Variants in ST6GAL2 observed in about 807,000 individuals in gnomAD.
The protein encoded by ST6GAL2 is ST6 beta-galactoside alpha-2,6-sialyltransferase 2, also known as beta-galactoside alpha-2,6-sialyltransferase 2.
A neutral mutation model predicts 37.5 loss-of-function variants in ST6GAL2; 24 were observed. That is an observed-to-expected ratio of 0.64 (90% CI 0.46 to 0.90). The LOEUF is 0.90. ST6GAL2 is among the 40% of genes least tolerant of loss of function. The probability of loss-of-function intolerance (pLI) is 0.00; values close to 1 mark genes in which losing one functional copy is unlikely to be tolerated. For missense variants in ST6GAL2, 715 were observed against 712.7 expected, an observed-to-expected ratio of 1.00 and a Z score of -0.04; for synonymous variants, 306 against 295.1, an observed-to-expected ratio of 1.04 and a Z score of -0.38.
intron 5 of ST6GAL2, chr2:106,813,158 G>A: frequency 7.7e-7 from 1 of 1,291,080 alleles, no homozygotes; most frequent in Non-Finnish European, 9.9e-7. Flanking sequence ...TGTCGTCCAG[G>A]CTGGAGTGCA....
intron 2 of ST6GAL2, among the ~76,000 whole-genome samples, chr2:106,835,440 C>A (rs1333507790): frequency 6.6e-6 from 1 of 152,150 alleles, no homozygotes; most frequent in Non-Finnish European, 1.5e-5. Flanking sequence ...TAAAAAGGTG[C>A]CTTCACTGAC....
At position 106,804,710 on chromosome 2, in the gene ST6GAL2, G is replaced by A. The variant is rs6543444; in HGVS notation, c.*1968C>T. 55,343 of 151,484 alleles carry A rather than the reference G, an allele frequency of 0.37. 11,002 individuals carry two copies. The highest frequency in any genetic ancestry group is 0.46 in the Non-Finnish European group (30,951 of 67,876). The allele number at this position is 151,484 out of a possible 1,614,324, so 9.4% of individuals were successfully genotyped here. A position where few individuals can be genotyped will look rare whatever the true frequency, so the allele number is the denominator to read the frequency against. On this transcript the variant is annotated 3_prime_UTR_variant, in exon 6 of 6. Coordinates refer to ENST00000409382, the MANE Select transcript of ST6GAL2 (RefSeq NM_001142351.2). ...CAAAAAATTAGCTGGGCGTGGTGGCGGGTGCCTGTAGTCCCCAGCTACTCA... is the reference window on the plus strand; with the variant it reads ...CAAAAAATTAGCTGGGCGTGGTGGCAGGTGCCTGTAGTCCCCAGCTACTCA...
chr2:106,826,244 T>C (rs1209886647), intron 5 of ST6GAL2, among the ~76,000 whole-genome samples: 1 of 152,184 alleles, frequency 6.6e-6, no homozygotes, highest in Non-Finnish European at 1.5e-5. Flanking sequence ...TGGCTCATAG[T>C]TCTGCAAGCT....
In ST6GAL2 at chr2:106,843,111, G is replaced by A. The variant is rs139995152; in HGVS notation, c.867C>T (p.His289=). ...LVPAVPLSQL[H]PRGLRSCAVV... is the part of the protein sequence containing the mutation. ...CAGCGCAGCTGCGCAGGCCGCGGGG[G>A]TGCAGCTGGCTCAGGGGCACGGCGG... The change falls in exon 2 of 6, where the codon CAC becomes CAT. Residue 289 remains histidine, a synonymous_variant. Transcript: ENST00000409382. 14,668 of 1,562,000 alleles carry A rather than the reference G, an allele frequency of 9.4e-3. 87 individuals carry two copies. The highest frequency in any genetic ancestry group is 0.011 in the Non-Finnish European group (12,575 of 1,158,938).
At chr2:106,835,213 G>A (rs1034405592) in intron 2 of ST6GAL2, among the ~76,000 whole-genome samples, 20 of 152,142 alleles carry the variant, frequency 1.3e-4, no homozygotes, top group African/African-American at 4.3e-4. Context: ...TTCCAAGCTC[G>A]GCCTGGAGCA....
chr2:106,813,842 A>G (rs1675699777), intron 5 of ST6GAL2, among the ~76,000 whole-genome samples: 1 of 152,200 alleles, frequency 6.6e-6, no homozygotes, highest in Non-Finnish European at 1.5e-5. Context: ...TCACCAATAG[A>G]ACACTGCAGA....
chr2:106,884,202 G>A (rs1172539530), intron 1 of ST6GAL2, among the ~76,000 whole-genome samples: 1 of 152,062 alleles, frequency 6.6e-6, no homozygotes, highest in African/African-American at 2.4e-5. Flanking sequence ...ATCTTTGCTG[G>A]CTGGATTGGC....
At chr2:106,842,751 C>A (rs995384489) in intron 2 of ST6GAL2, among the ~76,000 whole-genome samples, 2 of 152,156 alleles carry the variant, frequency 1.3e-5, no homozygotes, top group East Asian at 1.9e-4. Context: ...CCTTCCACTG[C>A]CTACTGGCAT....
intron 5 of ST6GAL2, among the ~76,000 whole-genome samples, chr2:106,812,255 C>G (rs1281995472): frequency 6.6e-6 from 1 of 152,222 alleles, no homozygotes; most frequent in Non-Finnish European, 1.5e-5. Flanking sequence ...AGCGCCTGCT[C>G]TCTAACGTCT....
intron 2 of ST6GAL2, among the ~76,000 whole-genome samples, chr2:106,840,537 C>A (rs769953141): frequency 2.0e-5 from 3 of 152,152 alleles, no homozygotes; most frequent in Non-Finnish European, 4.4e-5. Flanking sequence ...CAACCCTAGA[C>A]AAAACAATAA....
At chr2:106,841,816 C>T (rs1038292770) in intron 2 of ST6GAL2, among the ~76,000 whole-genome samples, 1 of 152,172 alleles carries the variant, frequency 6.6e-6, no homozygotes, top group African/African-American at 2.4e-5. Context: ...TGAACCCTGC[C>T]ATGGCCCCAT....
intron 2 of ST6GAL2, among the ~76,000 whole-genome samples, chr2:106,841,545 G>A (rs1343525867): frequency 1.3e-5 from 2 of 152,200 alleles, no homozygotes; most frequent in Non-Finnish European, 2.9e-5. Context: ...AGCCTAAAGG[G>A]CCAAGCTGCT....
At chr2:106,827,656 C>A (rs913718364) in intron 5 of ST6GAL2, among the ~76,000 whole-genome samples, 1 of 152,152 alleles carries the variant, frequency 6.6e-6, no homozygotes, top group Non-Finnish European at 1.5e-5. Flanking sequence ...GTCTACATAA[C>A]GTTCTGGGAC....
At chr2:106,819,039 T>C (rs1023711200) in intron 5 of ST6GAL2, among the ~76,000 whole-genome samples, 14 of 151,938 alleles carry the variant, frequency 9.2e-5, no homozygotes, top group South Asian at 2.1e-4. Flanking sequence ...TGAAAATATA[T>C]AGTCAGAAGG....
chr2:106,865,099 T>C (rs1193575864), intron 1 of ST6GAL2, among the ~76,000 whole-genome samples: 1 of 152,088 alleles, frequency 6.6e-6, no homozygotes, highest in East Asian at 1.9e-4. Flanking sequence ...ACAGATACAA[T>C]AAAAGTAAAT....
chr2:106,811,405 G>A (rs959776626), intron 5 of ST6GAL2, among the ~76,000 whole-genome samples: 4 of 152,128 alleles, frequency 2.6e-5, no homozygotes, highest in Admixed American at 6.5e-5. Flanking sequence ...CAGACAGGAC[G>A]GGGACAGGAT....
At chr2:106,810,291 A>G (rs934153138) in intron 5 of ST6GAL2, among the ~76,000 whole-genome samples, 2 of 152,222 alleles carry the variant, frequency 1.3e-5, no homozygotes, top group Admixed American at 6.5e-5. Context: ...ATTTTCTTAT[A>G]TAAGTACTCT....
chr2:106,880,147 A>G (rs1678690052), intron 1 of ST6GAL2, among the ~76,000 whole-genome samples: 1 of 151,984 alleles, frequency 6.6e-6, no homozygotes, highest in Non-Finnish European at 1.5e-5. Context: ...ATTATTTAAA[A>G]TTTACCTTAG....
intron 1 of ST6GAL2, among the ~76,000 whole-genome samples, chr2:106,874,108 A>G (rs969451160): frequency 2.0e-5 from 3 of 152,194 alleles, no homozygotes; most frequent in South Asian, 2.1e-4. Flanking sequence ...TAGCTGGCAC[A>G]CGGAGTTCTG....
Sources: allele counts gnomAD v4.1 joint callset (sites outside exome capture counted in the v4.1 genomes callset), GRCh38; gene constraint gnomAD v4.1.1; transcripts MANE v1.5; gene names NCBI Gene and HGNC (gene_info 2026-07-23, HGNC 2026-07-21).